The following SPECC1 variants were observed in gnomAD, a reference collection of about 807,000 sequenced individuals.
SPECC1 encodes the protein cytospin-B.
A neutral mutation model predicts 104.1 loss-of-function variants in SPECC1; 62 were observed. The observed-to-expected ratio is 0.60, with a 90% CI of 0.49 to 0.74. The LOEUF (loss-of-function observed/expected upper bound fraction) is 0.74. Among genes scored for constraint, SPECC1 ranks in the 30% least tolerant of loss-of-function variants. The pLI is 0.00. For synonymous variants in SPECC1, 513 were observed against 501.6 expected (o/e 1.02, Z -0.30); for missense variants, 1,306 against 1,310.5 (o/e 1.00, Z 0.05).
In SPECC1 at chr17:20,120,628, T is replaced by C. The variant is rs192166416; in HGVS notation, c.283+10066T>C. Among the ~76,000 whole-genome samples the C allele has an allele frequency of 1.6e-4, 24 of 152,336 alleles. 1 individual carries two copies. Among genetic ancestry groups the C allele is most frequent in the Admixed American group, 1.0e-3 (16 of 15,310 alleles). ...GAATTCTTTTTATGCCATGCAAGAC[T>C]TAGTTTTTGTACTTTTGACTTGGGG... On this transcript the variant is annotated intron_variant, in intron 3 of 14. Coordinates refer to ENST00000395527, the MANE Select transcript of SPECC1 (RefSeq NM_001243439.2).
Position 20,204,402 on chromosome 17 carries a change from A to C in SPECC1, c.353A>C (p.Glu118Ala), listed in dbSNP as rs202082638. The C allele has an allele frequency of 5.6e-6, 9 of 1,614,134 alleles. No individual in the cohort carries two copies. Among genetic ancestry groups the C allele is most frequent in the Admixed American group, 1.7e-5 (1 of 60,020 alleles). ...GAATTTTCAGTAACTGTCTCAAGAG[A>C]GAGGTCTGTGCCACGTGGTCCCTCC... ...PREFSVTVSR[E>A]RSVPRGPSNP... Residue 118 changes from glutamate (E) to alanine (A), a missense_variant, in exon 4 of 15, where the codon GAG (glutamate) becomes GCG (alanine). This residue lies in a region of SPECC1 where 1,177 missense variants were observed against 1,139.9 expected (regional missense o/e 1.03). Transcript: ENST00000395527.
chr17:20,075,498 A>G (rs2046724834), intron 1 of SPECC1, among the ~76,000 whole-genome samples: 1 of 152,170 alleles, frequency 6.6e-6, no homozygotes, highest in Non-Finnish European at 1.5e-5. Flanking sequence ...CTTTAAAGCA[A>G]CTGTTAAAAT....
intron 13 of SPECC1, among the ~76,000 whole-genome samples, chr17:20,297,379 G>C (rs1264787848): frequency 6.6e-6 from 1 of 152,116 alleles, no homozygotes; most frequent in Non-Finnish European, 1.5e-5. Context: ...AATAAGTCTT[G>C]GACACTGTAT....
At chr17:20,103,572 A>G (rs149189386) in intron 2 of SPECC1, among the ~76,000 whole-genome samples, 117 of 152,270 alleles carry the variant, frequency 7.7e-4, no homozygotes, top group African/African-American at 2.6e-3. Flanking sequence ...GAGAAGCCAC[A>G]AGCCCGACAG....
At chr17:20,144,877 G>A (rs2031282439) in intron 3 of SPECC1, among the ~76,000 whole-genome samples, 1 of 152,184 alleles carries the variant, frequency 6.6e-6, no homozygotes, top group South Asian at 2.1e-4. Flanking sequence ...CAGTGGCTGA[G>A]ACAAGTACAG....
chr17:20,258,596 A>G (rs1005364421), intron 11 of SPECC1, among the ~76,000 whole-genome samples: 2 of 151,898 alleles, frequency 1.3e-5, no homozygotes, highest in Non-Finnish European at 2.9e-5. Context: ...GCACCACCCC[A>G]CCCACCTGCC....
intron 1 of SPECC1, among the ~76,000 whole-genome samples, chr17:20,038,278 T>C (rs1332176737): frequency 1.4e-5 from 2 of 147,680 alleles, no homozygotes; most frequent in South Asian, 4.4e-4. Context: ...CTTCATCTTC[T>C]GTGTTCTTGA....
intron 2 of SPECC1, among the ~76,000 whole-genome samples, chr17:20,102,303 AC>A (rs2047980673): frequency 6.6e-6 from 1 of 152,252 alleles, no homozygotes; most frequent in East Asian, 1.9e-4. Context: ...TTTATGTCCT[AC>A]CCCCAGGAAA....
chr17:20,104,610 G>A (rs2048097920), intron 2 of SPECC1, among the ~76,000 whole-genome samples: 1 of 151,738 alleles, frequency 6.6e-6, no homozygotes, highest in Admixed American at 6.6e-5. Context: ...GGGTGTGGGG[G>A]CACGTGCCTG....
chr17:20,271,348 AC>A (rs149800108), intron 12 of SPECC1, among the ~76,000 whole-genome samples: 13 of 146,204 alleles, frequency 8.9e-5, no homozygotes, highest in African/African-American at 2.0e-4. Flanking sequence ...TTTCACTCCC[AC>A]CCCCCCCATG....
intron 1 of SPECC1, among the ~76,000 whole-genome samples, chr17:20,075,296 G>C (rs1193074374): frequency 2.0e-5 from 3 of 152,146 alleles, no homozygotes; most frequent in African/African-American, 7.2e-5. Flanking sequence ...GCCCCATGAG[G>C]TAGCTACCTT....
At chr17:20,139,648 C>T (rs1415816735) in intron 3 of SPECC1, among the ~76,000 whole-genome samples, 1 of 152,120 alleles carries the variant, frequency 6.6e-6, no homozygotes, top group Non-Finnish European at 1.5e-5. Context: ...TTGTCATCTA[C>T]AGTTGCATCT....
chr17:20,236,282 A>G (rs1348943360), intron 7 of SPECC1, among the ~76,000 whole-genome samples: 3 of 152,106 alleles, frequency 2.0e-5, no homozygotes, highest in Admixed American at 6.5e-5. Context: ...TGGTCCTCTC[A>G]ATGTGCTCTT....
At chr17:20,203,131 C>T (rs1198406458) in intron 3 of SPECC1, among the ~76,000 whole-genome samples, 3 of 152,102 alleles carry the variant, frequency 2.0e-5, no homozygotes, top group Non-Finnish European at 4.4e-5. Flanking sequence ...TCTATGGGAA[C>T]ATTCCCTCCC....
At chr17:20,203,052 T>C (rs949000943) in intron 3 of SPECC1, among the ~76,000 whole-genome samples, 1 of 152,062 alleles carries the variant, frequency 6.6e-6, no homozygotes, top group Admixed American at 6.6e-5. Context: ...GAAATAGTCT[T>C]GGTGGTGGGT....
chr17:20,089,125 G>A (rs1238676078), intron 1 of SPECC1, among the ~76,000 whole-genome samples: 1 of 152,234 alleles, frequency 6.6e-6, no homozygotes, highest in Non-Finnish European at 1.5e-5. Context: ...CAGTAGGCCA[G>A]GGTTAGGCAC....
chr17:20,263,347 C>T (rs997493932), intron 12 of SPECC1, among the ~76,000 whole-genome samples: 29 of 133,742 alleles, frequency 2.2e-4, no homozygotes, highest in South Asian at 2.3e-4. Context: ...GGAAGGGGAA[C>T]ATCACACACG....
In SPECC1 at chr17:20,317,467, C is replaced by CA. The variant is rs1443810580; in HGVS notation, c.*3403dup. 2 of 180,372 alleles carry CA rather than the reference C, an allele frequency of 1.1e-5. No individual in the cohort carries two copies. Among genetic ancestry groups the CA allele is most frequent in the African/African-American group, 4.7e-5 (2 of 42,210 alleles). 11.2% of individuals were successfully genotyped at this position (180,372 alleles called of 1,614,324 possible). On this transcript the variant is annotated 3_prime_UTR_variant, in exon 15 of 15. Transcript: ENST00000395527. Reference sequence around the variant, plus strand: ...GTAGAAACAGTTTCACCATGTTGGCCAGGCTGGTCTTGAACTCCTGACCTC... The same window carrying CA: ...GTAGAAACAGTTTCACCATGTTGGCCAAGGCTGGTCTTGAACTCCTGACCTC...
intron 1 of SPECC1, among the ~76,000 whole-genome samples, chr17:20,016,325 G>A (rs1216665117): frequency 1.3e-5 from 2 of 152,094 alleles, no homozygotes; most frequent in African/African-American, 4.8e-5. Flanking sequence ...GTCCTCGCTC[G>A]CTCTCGGTGC....
Sources: gnomAD v4.1 joint callset for allele counts (sites outside exome capture counted in the v4.1 genomes callset) on GRCh38, gnomAD v4.1.1 for gene constraint, gnomAD v4.1.1 regional missense constraint, MANE v1.5 for transcripts, NCBI Gene and HGNC (gene_info 2026-07-23, HGNC 2026-07-21) for gene names.